The following LIPA variants were observed in gnomAD, a reference collection of about 807,000 sequenced individuals.
LIPA encodes the protein lipase A, lysosomal acid type.
A neutral mutation model predicts 40.6 loss-of-function variants in LIPA; 26 were observed. The ratio of observed to expected loss-of-function variants is 0.64; its 90% CI spans 0.47 to 0.89. The LOEUF is 0.89. Among genes scored for constraint, LIPA ranks in the 40% least tolerant of loss-of-function variants. The probability of loss-of-function intolerance (pLI) is 0.00; values close to 1 mark genes in which losing one functional copy is unlikely to be tolerated. For missense variants in LIPA, 455 were observed against 479.6 expected, an observed-to-expected ratio of 0.95 and a Z score of 0.48; for synonymous variants, 188 against 168.4, an observed-to-expected ratio of 1.12 and a Z score of -0.90.
At chr10:89,220,903 C>T (rs1345774761) in intron 8 of LIPA, among the ~76,000 whole-genome samples, 3 of 152,168 alleles carry the variant, frequency 2.0e-5, no homozygotes, top group African/African-American at 7.2e-5. Context: ...GAATGAACTA[C>T]TGACATACAC....
intron 1 of LIPA, among the ~76,000 whole-genome samples, chr10:89,312,368 G>A (rs1843521217): frequency 6.6e-6 from 1 of 152,062 alleles, no homozygotes; most frequent in South Asian, 2.1e-4. Context: ...TTGAGCCCAG[G>A]AGGTGGGGGC....
intron 2 of LIPA, among the ~76,000 whole-genome samples, chr10:89,401,079 A>T: frequency 6.7e-6 from 1 of 149,122 alleles, no homozygotes; most frequent in African/African-American, 2.5e-5. Context: ...ATTTTTGTAT[A>T]TTGAACTATC....
At chr10:89,329,433 G>A (rs1843628904) in intron 1 of LIPA, among the ~76,000 whole-genome samples, 1 of 152,170 alleles carries the variant, frequency 6.6e-6, no homozygotes, top group Admixed American at 6.5e-5. Flanking sequence ...GTCTTTAGGT[G>A]TGTCTATAGC....
intron 5 of LIPA, among the ~76,000 whole-genome samples, chr10:89,226,306 T>C (rs2254670): frequency 0.41 from 63,067 of 152,060 alleles, 14,396 homozygotes; most frequent in Non-Finnish European, 0.52. Context: ...CACTAAGGTG[T>C]TAGTCATAGT....
chr10:89,228,509 A>G (rs1351732153), intron 3 of LIPA, 111 bp from the exon 4 acceptor site: 8 of 935,124 alleles, frequency 8.6e-6, no homozygotes, highest in South Asian at 2.7e-5. Flanking sequence ...ATGAACTAGA[A>G]ATAAATTGAA....
chr10:89,402,846 T>C (rs769211734), intron 2 of LIPA: 49 of 1,614,068 alleles, frequency 3.0e-5, no homozygotes, highest in Admixed American at 2.0e-4. Context: ...CCTGGATGGC[T>C]TTAAATTAGC....
intron 1 of LIPA, chr10:89,306,427 G>T (rs201914012): frequency 4.4e-5 from 71 of 1,614,040 alleles, no homozygotes; most frequent in Non-Finnish European, 5.6e-5. Flanking sequence ...ATGAAAGAGC[G>T]AAGGTGTGCT....
chr10:89,337,824 T>C (rs1438494763), intron 1 of LIPA, among the ~76,000 whole-genome samples: 2 of 152,250 alleles, frequency 1.3e-5, no homozygotes, highest in Non-Finnish European at 2.9e-5. Context: ...TTTGTGGGTG[T>C]CTGCACAGAC....
intron 1 of LIPA, among the ~76,000 whole-genome samples, chr10:89,268,259 ACTT>A (rs757217838): frequency 6.6e-6 from 1 of 152,246 alleles, no homozygotes; most frequent in Admixed American, 6.5e-5. Flanking sequence ...AAGATTTTTA[ACTT>A]CTTCTTGAGT....
intron 1 of LIPA, among the ~76,000 whole-genome samples, chr10:89,305,695 T>C (rs1313708773): frequency 6.6e-6 from 1 of 151,998 alleles, no homozygotes; most frequent in Non-Finnish European, 1.5e-5. Flanking sequence ...TAACAAAAAC[T>C]GTCTTATTCA....
intron 8 of LIPA, among the ~76,000 whole-genome samples, chr10:89,216,391 G>T (rs1313494978): frequency 1.4e-5 from 2 of 147,398 alleles, no homozygotes; most frequent in Middle Eastern, 3.5e-3. Flanking sequence ...AGACAGATAG[G>T]TAGCTACATA....
intron 2 of LIPA, among the ~76,000 whole-genome samples, chr10:89,388,395 C>T (rs967142893): frequency 2.6e-5 from 4 of 152,092 alleles, no homozygotes; most frequent in Non-Finnish European, 4.4e-5. Context: ...TGTGAATCAC[C>T]GCGCCTGGCC....
At chr10:89,242,831 T>C (rs921362033) in intron 3 of LIPA, among the ~76,000 whole-genome samples, 1 of 152,248 alleles carries the variant, frequency 6.6e-6, no homozygotes, top group Non-Finnish European at 1.5e-5. Context: ...TCTGTTAGTA[T>C]ACGAGGAGCC....
intron 8 of LIPA, among the ~76,000 whole-genome samples, chr10:89,217,764 C>T (rs1194429217): frequency 1.3e-5 from 2 of 152,318 alleles, no homozygotes; most frequent in Admixed American, 6.5e-5. Context: ...TGTTTTATTA[C>T]ATCAAACAGT....
intron 2 of LIPA, chr10:89,403,188 G>T (rs1327948675): frequency 6.2e-7 from 1 of 1,614,092 alleles, no homozygotes; most frequent in Non-Finnish European, 8.5e-7. Flanking sequence ...AATCAAGGAG[G>T]CTACAAAAGG....
intron 3 of LIPA, among the ~76,000 whole-genome samples, chr10:89,230,860 T>TGCAAAAC (rs1564757121): frequency 2.6e-5 from 4 of 152,220 alleles, no homozygotes; most frequent in South Asian, 4.1e-4. Context: ...AGTCTGCGTC[T>TGCAAAAC]CAGTTCCAAA....
At chr10:89,259,332 G>A (rs555868047) in intron 1 of LIPA, among the ~76,000 whole-genome samples, 1 of 152,302 alleles carries the variant, frequency 6.6e-6, no homozygotes, top group Admixed American at 6.5e-5. Flanking sequence ...GTGAAAAGAT[G>A]TTCAACACCA....
chr10:89,242,238 A>T (rs1267922284), intron 3 of LIPA, among the ~76,000 whole-genome samples: 1 of 152,222 alleles, frequency 6.6e-6, no homozygotes, highest in East Asian at 1.9e-4. Context: ...CTTCCTAAGA[A>T]GGTTGCTTAA....
intron 1 of LIPA, chr10:89,328,025 T>G: frequency 1.2e-6 from 2 of 1,612,436 alleles, no homozygotes; most frequent in Non-Finnish European, 1.7e-6. Context: ...GAAGAACAAA[T>G]CAGCCTGGTC....
Sources: gnomAD v4.1 joint callset for allele counts (sites outside exome capture counted in the v4.1 genomes callset) on GRCh38, gnomAD v4.1.1 for gene constraint, MANE v1.5 for transcripts, NCBI Gene and HGNC (gene_info 2026-07-23, HGNC 2026-07-21) for gene names.